Variants in PCDH7 observed in about 807,000 individuals in gnomAD.
PCDH7 encodes the protein protocadherin 7, also known as protocadherin-7.
Under a neutral mutation model 58.9 loss-of-function variants are expected in PCDH7, and 17 were observed. The ratio of observed to expected loss-of-function variants is 0.29; its 90% CI spans 0.20 to 0.43. The LOEUF (loss-of-function observed/expected upper bound fraction) is 0.43, where lower values mean the gene tolerates loss of function less well. Among genes scored for constraint, PCDH7 ranks in the 20% least tolerant of loss-of-function variants. The pLI, the probability that PCDH7 is intolerant of heterozygous loss-of-function variation, is 1.00. For synonymous variants in PCDH7, 664 were observed against 616.4 expected (o/e 1.08, Z -1.14); for missense variants, 1,274 against 1,441.0 (o/e 0.88, Z 1.88).
chr4:30,865,051 G>A (rs1484681959), intron 1 of PCDH7, among the ~76,000 whole-genome samples: 2 of 151,862 alleles, frequency 1.3e-5, no homozygotes, highest in African/African-American at 2.4e-5. Context: ...GCTGATAAAC[G>A]GTCTAACACT....
downstream of PCDH7, chr4:31,146,729 TAC>T (rs1720704705): frequency 6.6e-6 from 1 of 152,168 alleles, no homozygotes; most frequent in Non-Finnish European, 1.5e-5. Flanking sequence ...TTTGCTTTTG[TAC>T]AGTTTTATGT....
chr4:30,849,242 C>T (rs992526041), intron 1 of PCDH7, among the ~76,000 whole-genome samples: 1 of 152,100 alleles, frequency 6.6e-6, no homozygotes, highest in Non-Finnish European at 1.5e-5. Context: ...CTCCCTCTCC[C>T]CTCCAAAAAC....
At chr4:30,747,401 G>A (rs879328540) in intron 1 of PCDH7, among the ~76,000 whole-genome samples, 2 of 152,072 alleles carry the variant, frequency 1.3e-5, no homozygotes, top group African/African-American at 4.8e-5. Flanking sequence ...TGGCTCTTAC[G>A]GTCAAAAGTC....
intron 1 of PCDH7, among the ~76,000 whole-genome samples, chr4:30,879,487 C>T (rs764509254): frequency 2.6e-5 from 4 of 151,862 alleles, no homozygotes; most frequent in African/African-American, 2.4e-5. Flanking sequence ...AAATTCTTAC[C>T]GTTTACGTGA....
intron 1 of PCDH7, among the ~76,000 whole-genome samples, chr4:30,852,337 G>A (rs1732873353): frequency 6.6e-6 from 1 of 152,004 alleles, no homozygotes; most frequent in Admixed American, 6.6e-5. Flanking sequence ...CCTAAGTCAA[G>A]AAAGCAAAAG....
chr4:30,821,205 T>C (rs576606042), intron 1 of PCDH7, among the ~76,000 whole-genome samples: 23 of 152,336 alleles, frequency 1.5e-4, no homozygotes, highest in African/African-American at 5.1e-4. Context: ...CTCTCAGGTA[T>C]GTCTGATTCT....
intron 3 of PCDH7, among the ~76,000 whole-genome samples, chr4:31,105,230 A>G (rs1331368877): frequency 6.6e-6 from 1 of 152,192 alleles, no homozygotes; most frequent in Non-Finnish European, 1.5e-5. Flanking sequence ...TAAAGCTATT[A>G]AGTCAATTAT....
chr4:30,948,617 CA>C (rs750075540), intron 2 of PCDH7, among the ~76,000 whole-genome samples: 9 of 152,162 alleles, frequency 5.9e-5, no homozygotes, highest in Non-Finnish European at 1.2e-4. Flanking sequence ...AGCAATGGTG[CA>C]AAAAGTATAT....
intron 1 of PCDH7, chr4:30,869,030 G>A (rs1323095822): frequency 6.6e-6 from 1 of 152,040 alleles, no homozygotes; most frequent in Non-Finnish European, 1.5e-5. Flanking sequence ...AGCTGGTGAT[G>A]GAGAACAACG....
chr4:31,143,295 C>T (rs1241344393), downstream of PCDH7: 3 of 155,864 alleles, frequency 1.9e-5, no homozygotes, highest in South Asian at 1.9e-4. Context: ...ATAAGCAGGA[C>T]AGATAAAATG....
At chr4:31,105,734 G>A (rs1019972344) in intron 3 of PCDH7, among the ~76,000 whole-genome samples, 1 of 152,040 alleles carries the variant, frequency 6.6e-6, no homozygotes, top group Non-Finnish European at 1.5e-5. Context: ...TTGGCCAGGC[G>A]CAGTGGCTCA....
At chr4:31,117,681 A>C (rs1717165972) in intron 3 of PCDH7, among the ~76,000 whole-genome samples, 1 of 152,202 alleles carries the variant, frequency 6.6e-6, no homozygotes, top group Admixed American at 6.5e-5. Flanking sequence ...GATAGAATAT[A>C]ATGATGGAGA....
chr4:31,079,681 T>G (rs1489738227), intron 3 of PCDH7, among the ~76,000 whole-genome samples: 1 of 152,022 alleles, frequency 6.6e-6, no homozygotes, highest in Non-Finnish European at 1.5e-5. Context: ...CATAACACAT[T>G]AATTCTTCTC....
intron 3 of PCDH7, among the ~76,000 whole-genome samples, chr4:31,030,256 C>T (rs1392320060): frequency 6.6e-6 from 1 of 152,152 alleles, no homozygotes; most frequent in Non-Finnish European, 1.5e-5. Context: ...ATCATCTCAG[C>T]AATCCTTCCT....
rs563376788 is a variant in PCDH7 at position 30,938,673 on chromosome 4, A to C, written c.288-11447A>C. On this transcript the variant is annotated intron_variant, in intron 2 of 3. Coordinates refer to the PCDH7 transcript ENST00000509759. ...TACATTACAAACTTGACAGTCTCTT[A>C]ATATATTGAGATATTTTTATATTGT... Among the ~76,000 whole-genome samples, 76 of 152,274 alleles carry C rather than the reference A, an allele frequency of 5.0e-4. No individual in the cohort carries two copies. In the South Asian group the frequency reaches 0.015, roughly 30 times the overall value.
intron 3 of PCDH7, among the ~76,000 whole-genome samples, chr4:31,032,642 G>T (rs1160903599): frequency 9.1e-6 from 1 of 110,424 alleles, no homozygotes; most frequent in African/African-American, 3.6e-5. Flanking sequence ...GAAAGAAAGC[G>T]ACAGAGAGAG....
intron 1 of PCDH7, among the ~76,000 whole-genome samples, chr4:30,834,110 A>C (rs1292448143): frequency 6.6e-6 from 1 of 152,170 alleles, no homozygotes; most frequent in Non-Finnish European, 1.5e-5. Context: ...TAAAACATAT[A>C]ACACCATGTG....
chr4:30,764,205 G>C (rs1326341737), intron 1 of PCDH7, among the ~76,000 whole-genome samples: 1 of 152,102 alleles, frequency 6.6e-6, no homozygotes, highest in Non-Finnish European at 1.5e-5. Flanking sequence ...GATTCGTAAA[G>C]TTACACACAC....
chr4:31,008,242 A>T (rs1360151330), intron 3 of PCDH7, among the ~76,000 whole-genome samples: 3 of 152,140 alleles, frequency 2.0e-5, no homozygotes, highest in Admixed American at 1.3e-4. Context: ...TCACTTTCTG[A>T]GATATATTCA....
Sources: gnomAD v4.1 joint callset for allele counts (sites outside exome capture counted in the v4.1 genomes callset) on GRCh38, gnomAD v4.1.1 for gene constraint, MANE v1.5 for transcripts, NCBI Gene and HGNC (gene_info 2026-07-23, HGNC 2026-07-21) for gene names.